The following SLC12A3 variants were observed in gnomAD, a reference collection of about 807,000 sequenced individuals.
SLC12A3 encodes the protein Na-Cl cotransporter.
SLC12A3 carries 104 observed loss-of-function variants against 121.0 expected under a neutral mutation model. The observed-to-expected ratio is 0.86, with a 90% confidence interval of 0.73 to 1.01. The LOEUF (loss-of-function observed/expected upper bound fraction) is 1.01, where lower values mean the gene tolerates loss of function less well. SLC12A3 is among the 50% of genes least tolerant of loss of function. The pLI, the probability that SLC12A3 is intolerant of heterozygous loss-of-function variation, is 0.00. For synonymous variants in SLC12A3, 536 were observed against 533.4 expected, an observed-to-expected ratio of 1.00 and a Z score of -0.07; for missense variants, 1,328 against 1,356.3, an observed-to-expected ratio of 0.98 and a Z score of 0.33.
chr16:56,906,554 C>T (rs1314302799), intron 25 of SLC12A3: 1 of 233,334 alleles, frequency 4.3e-6, no homozygotes, highest in African/African-American at 2.3e-5. Flanking sequence ...CAGTAAGTAT[C>T]CAAACTAGGA....
At chr16:56,909,465 A>G (rs1596959948) in intron 25 of SLC12A3, among the ~76,000 whole-genome samples, 1 of 65,194 alleles carries the variant, frequency 1.5e-5, no homozygotes, top group Non-Finnish European at 2.8e-5. Flanking sequence ...TCAATCCCCC[A>G]CCCACCAGCC....
At chr16:56,906,894 G>A (rs1177288305) in intron 25 of SLC12A3, 1 of 542,504 alleles carries the variant, frequency 1.8e-6, no homozygotes, top group Admixed American at 2.4e-5. Context: ...TAAGGGGACT[G>A]TAAAGGCCAC....
intron 24 of SLC12A3, 26 bp from the exon 25 acceptor site, chr16:56,904,369 T>A: frequency 6.2e-7 from 1 of 1,610,994 alleles, no homozygotes; most frequent in Non-Finnish European, 8.5e-7. Context: ...ATATGGGAAG[T>A]GACCACTCGG....
intron 8 of SLC12A3, among the ~76,000 whole-genome samples, chr16:56,875,460 C>A (rs1162367275): frequency 1.3e-5 from 2 of 152,152 alleles, no homozygotes; most frequent in Non-Finnish European, 2.9e-5. Context: ...TATAGACAAG[C>A]AAGCCAAGGT....
chr16:56,878,046 C>CCCTCCCTCTCTCCCTCCCT lies in SLC12A3; in HGVS notation c.1096-23_1096-22insTCTCCCTCCCTCCTCCCTC, dbSNP rs1473557569. On this transcript the variant is annotated intron_variant, in intron 8 of 25. Transcript: ENST00000563236. Reference sequence around the variant, plus strand: ...TCCCTCCCTCCCTCTCTCCCTCCCTCCCTCCCTCCCTCTCTCCCTCCCTCC... The same window carrying CCCTCCCTCTCTCCCTCCCT: ...TCCCTCCCTCCCTCTCTCCCTCCCTCCCTCCCTCTCTCCCTCCCTCCTCCCTCCCTCTCTCCCTCCCTCC... The CCCTCCCTCTCTCCCTCCCT allele has an allele frequency of 5.0e-6, 3 of 599,418 alleles. No individual in the cohort carries two copies. The African/African-American group carries it at 5.5e-5, about 11-fold the overall frequency. 37.1% of individuals were successfully genotyped at this position (599,418 alleles called of 1,614,324 possible).
chr16:56,893,817 G>A (rs758756869), intron 21 of SLC12A3, among the ~76,000 whole-genome samples: 25 of 152,094 alleles, frequency 1.6e-4, no homozygotes, highest in African/African-American at 3.1e-4. Context: ...TTACTTTGTC[G>A]CCCAGGCTGA....
Position 56,904,558 on chromosome 16 carries a change from A to C in SLC12A3, c.2924+96A>C, listed in dbSNP as rs2055582339. On this transcript the variant is annotated intron_variant, in intron 25 of 25. Coordinates refer to ENST00000563236, the MANE Select transcript of SLC12A3 (RefSeq NM_001126108.2). ...CAGCAGGGGCACCACGGAGGGCCCA[A>C]GCCTTCCCCTAGGAAGCAGAAGGGC... 2.5e-6 allele frequency: 3 copies of C among 1,180,744 alleles called. No homozygotes were observed. The East Asian group carries it at 7.1e-5, about 28-fold the overall frequency. The allele number at this position is 1,180,744 out of a possible 1,614,324, so 73.1% of individuals were successfully genotyped here. A position where few individuals can be genotyped will look rare whatever the true frequency, so the allele number is the denominator to read the frequency against.
rs755294968 is a variant in SLC12A3 at position 56,882,512 on chromosome 16, C to T, written c.1669+15C>T. On this transcript the variant is annotated intron_variant, in intron 13 of 25. Coordinates refer to ENST00000563236, the MANE Select transcript of SLC12A3 (RefSeq NM_001126108.2). ...CAACTCGCCTGGTAAGCAAACCCTT[C>T]ACCCACCTCAGGAGGAGGCACCCAG... 1.2e-6 allele frequency: 2 copies of T among 1,602,840 alleles called. No homozygotes were observed. Among genetic ancestry groups the T allele is most frequent in the African/African-American group, 2.7e-5 (2 of 74,706 alleles).
At chr16:56,886,307 C>G in intron 15 of SLC12A3, 57 bp from the exon 16 acceptor site, 1 of 1,349,100 alleles carries the variant, frequency 7.4e-7, no homozygotes, top group East Asian at 2.3e-5. Flanking sequence ...CCTTTCGCAC[C>G]CAGACCCCCG....
intron 25 of SLC12A3, among the ~76,000 whole-genome samples, chr16:56,910,428 C>A (rs7499318): frequency 6.6e-6 from 1 of 152,088 alleles, no homozygotes; most frequent in Non-Finnish European, 1.5e-5. Flanking sequence ...CCCCACCTCC[C>A]GGGACTCAAA....
In SLC12A3 at chr16:56,884,128, C is replaced by G. The variant is rs2144723349; in HGVS notation, c.1749C>G (p.Leu583=). 6.2e-7 allele frequency: 1 copy of G among 1,614,216 alleles called. No homozygotes were observed. The highest frequency in any genetic ancestry group is 8.5e-7 in the Non-Finnish European group (1 of 1,180,018). Residue 583 remains leucine, a synonymous_variant, in exon 14 of 26, where the codon CTC becomes CTG. Coordinates refer to ENST00000563236, the MANE Select transcript of SLC12A3 (RefSeq NM_001126108.2). Reference sequence around the variant, plus strand: ...TCATCTCCGTGGTCATCATGTTCCTCCTCACCTGGTGGGCGGCCCTCATCG... The same window carrying G: ...TCATCTCCGTGGTCATCATGTTCCTGCTCACCTGGTGGGCGGCCCTCATCG... ...GAIISVVIMF[L]LTWWAALIAI...
intron 22 of SLC12A3, among the ~76,000 whole-genome samples, chr16:56,895,113 C>A (rs1371118585): frequency 2.4e-4 from 36 of 151,056 alleles, no homozygotes; most frequent in Non-Finnish European, 8.8e-5. Context: ...CAGCTGGATC[C>A]AGGAGTCCAG....
At chr16:56,904,483 G>A (rs1361738829) in intron 25 of SLC12A3, 21 bp downstream of exon 25, 2 of 1,610,158 alleles carry the variant, frequency 1.2e-6, no homozygotes, top group Non-Finnish European at 1.7e-6. Context: ...CCCGGCTGGT[G>A]GGAGGACCAG....
intron 25 of SLC12A3, among the ~76,000 whole-genome samples, chr16:56,910,394 A>G (rs2055669635): frequency 6.6e-6 from 1 of 152,082 alleles, no homozygotes; most frequent in Non-Finnish European, 1.5e-5. Context: ...AGAGAGCAGT[A>G]GTGAGATCTC....
chr16:56,890,568 T>G (rs1452859326), intron 19 of SLC12A3, among the ~76,000 whole-genome samples: 2 of 152,152 alleles, frequency 1.3e-5, no homozygotes, highest in African/African-American at 4.8e-5. Context: ...GGACTGGAAC[T>G]CAGGGTTCCC....
At chr16:56,901,227 G>T (rs1254546369) in intron 23 of SLC12A3, among the ~76,000 whole-genome samples, 1 of 152,100 alleles carries the variant, frequency 6.6e-6, no homozygotes, top group East Asian at 1.9e-4. Flanking sequence ...TGGCATCCTT[G>T]GGGTTTGGCC....
chr16:56,902,522 T>TGGGGGGGGG lies in SLC12A3; in HGVS notation c.2856+19_2856+20insGGGGGGGGG. The TGGGGGGGGG allele has an allele frequency of 4.8e-6, 2 of 415,342 alleles. No homozygotes were observed. Among genetic ancestry groups the TGGGGGGGGG allele is most frequent in the Non-Finnish European group, 8.3e-6 (2 of 239,850 alleles). The allele number at this position is 415,342 out of a possible 1,614,324, so 25.7% of individuals were successfully genotyped here. A position where few individuals can be genotyped will look rare whatever the true frequency, so the allele number is the denominator to read the frequency against. On this transcript the variant is annotated intron_variant, in intron 24 of 25. Transcript: ENST00000563236. ...AACAGAGTCAAGGTGCAGAGAGGGG[T>TGGGGGGGGG]GGGGGTGGGAAACGCGACACATCAC...
At chr16:56,902,864 G>C (rs2055557810) in intron 24 of SLC12A3, among the ~76,000 whole-genome samples, 1 of 152,140 alleles carries the variant, frequency 6.6e-6, no homozygotes, top group South Asian at 2.1e-4. Context: ...AGTCCTGTTA[G>C]GCCGGGCATG....
In SLC12A3 at chr16:56,913,483, G is replaced by T. The variant is rs1213823764; in HGVS notation, c.*78G>T. On this transcript the variant is annotated 3_prime_UTR_variant, in exon 26 of 26. Coordinates refer to ENST00000563236, the MANE Select transcript of SLC12A3 (RefSeq NM_001126108.2). ...AACTTGATTGCCTCTAGTCCACAGG[G>T]ATGAGACTCATGTTCTGTTGCACTT... 11 of 1,385,076 alleles carry T rather than the reference G, an allele frequency of 7.9e-6. No homozygotes were observed. In the African/African-American group the frequency reaches 1.3e-4, roughly 16 times the overall value. 85.8% of individuals were successfully genotyped at this position (1,385,076 alleles called of 1,614,324 possible).
Sources: gnomAD v4.1 joint callset for allele counts (sites outside exome capture counted in the v4.1 genomes callset) on GRCh38, gnomAD v4.1.1 for gene constraint, MANE v1.5 for transcripts, NCBI Gene and HGNC (gene_info 2026-07-23, HGNC 2026-07-21) for gene names.